The following LDAH variants were observed in gnomAD, a reference collection of about 807,000 sequenced individuals.
LDAH encodes the protein lipid droplet-associated hydrolase.
In LDAH, 26 loss-of-function variants were observed where a neutral mutation model predicts 29.6. The ratio of observed to expected loss-of-function variants is 0.88; its 90% CI spans 0.64 to 1.22. LDAH has a LOEUF of 1.22. Among genes scored for constraint, LDAH ranks in the 50% most tolerant of loss-of-function variants. The probability of loss-of-function intolerance (pLI) is 0.00; values close to 1 mark genes in which losing one functional copy is unlikely to be tolerated. For missense variants in LDAH, 344 were observed against 387.3 expected, an observed-to-expected ratio of 0.89 and a Z score of 0.94; for synonymous variants, 117 against 133.0, an observed-to-expected ratio of 0.88 and a Z score of 0.83.
chr2:20,706,705 A>G lies in LDAH; in HGVS notation c.704-5053T>C, dbSNP rs1357457893. 1.8e-4 allele frequency among the ~76,000 whole-genome samples: 15 copies of G among 85,390 alleles called. No individual in the cohort carries two copies. In the South Asian group the frequency reaches 2.9e-3, roughly 16 times the overall value. The allele number at this position is 85,390 out of a possible 152,430, so 56.0% of individuals were successfully genotyped here. ...TCCTACCTAAAATCCTGAAACAACT[A>G]AAAAAAAAAAAAAAGATAAAATACA... On this transcript the variant is annotated intron_variant, in intron 5 of 6. Coordinates refer to ENST00000237822, the MANE Select transcript of LDAH (RefSeq NM_021925.4).
chr2:20,815,653 G>A (rs1672796992), intron 1 of LDAH, among the ~76,000 whole-genome samples: 1 of 152,044 alleles, frequency 6.6e-6, no homozygotes, highest in South Asian at 2.1e-4. Flanking sequence ...AAAAAGAACT[G>A]TCAAGGCCAA....
At chr2:20,821,329 C>T (rs1248410540) in intron 1 of LDAH, among the ~76,000 whole-genome samples, 2 of 152,148 alleles carry the variant, frequency 1.3e-5, no homozygotes, top group African/African-American at 4.8e-5. Flanking sequence ...ATGTTTATTG[C>T]AGCACTACTT....
intron 3 of LDAH, among the ~76,000 whole-genome samples, chr2:20,782,069 T>C (rs1260379144): frequency 6.6e-6 from 1 of 152,200 alleles, no homozygotes; most frequent in Non-Finnish European, 1.5e-5. Context: ...CGTATCAGTG[T>C]TTATTGTGAA....
chr2:20,721,573 A>C (rs183888292), intron 5 of LDAH, among the ~76,000 whole-genome samples: 89 of 152,220 alleles, frequency 5.8e-4, no homozygotes, highest in African/African-American at 1.5e-3. Context: ...ACAAAAAAAA[A>C]ACCCCACAAT....
intron 4 of LDAH, among the ~76,000 whole-genome samples, chr2:20,754,040 G>T (rs529956062): frequency 3.3e-5 from 5 of 152,254 alleles, no homozygotes; most frequent in South Asian, 2.1e-4. Context: ...TTTATGTGAA[G>T]AAAGTACTAC....
At chr2:20,764,056 T>C (rs1668861880) in intron 4 of LDAH, among the ~76,000 whole-genome samples, 1 of 152,170 alleles carries the variant, frequency 6.6e-6, no homozygotes, top group African/African-American at 2.4e-5. Context: ...TTTTCCACTT[T>C]GAAAGCAATT....
intron 5 of LDAH, among the ~76,000 whole-genome samples, chr2:20,713,817 A>G (rs1250295139): frequency 6.6e-6 from 1 of 152,226 alleles, no homozygotes; most frequent in African/African-American, 2.4e-5. Flanking sequence ...GATCAATTCA[A>G]CAAGAAGAGC....
chr2:20,811,310 G>A (rs1397693650), intron 1 of LDAH, among the ~76,000 whole-genome samples: 1 of 151,072 alleles, frequency 6.6e-6, no homozygotes, highest in Non-Finnish European at 1.5e-5. Context: ...GAGCGGCCGC[G>A]CCCGGACTCA....
chr2:20,765,957 T>C (rs1669004060), intron 4 of LDAH, among the ~76,000 whole-genome samples: 1 of 152,118 alleles, frequency 6.6e-6, no homozygotes, highest in South Asian at 2.1e-4. Flanking sequence ...TTGAGAGGAA[T>C]GACAAAAAAA....
At position 20,797,483 on chromosome 2, in the gene LDAH, GA is replaced by G. The variant is rs549861774; in HGVS notation, c.154+3826del. 3.9e-5 allele frequency among the ~76,000 whole-genome samples: 6 copies of G among 152,250 alleles called. No individual in the cohort carries two copies. The East Asian group carries it at 1.2e-3, about 29-fold the overall frequency. ...GGTCCCTACTCAATCACCTTAGGAT[GA>G]GGCCCACCTAGGGCGACCAACTCCT... On this transcript the variant is annotated intron_variant, in intron 2 of 6. Coordinates refer to ENST00000237822, the MANE Select transcript of LDAH (RefSeq NM_021925.4).
intron 5 of LDAH, among the ~76,000 whole-genome samples, chr2:20,728,092 G>C (rs1354954104): frequency 6.6e-6 from 1 of 152,202 alleles, no homozygotes; most frequent in Non-Finnish European, 1.5e-5. Context: ...CAACAAAAAT[G>C]TGTGTATAAA....
intron 4 of LDAH, among the ~76,000 whole-genome samples, chr2:20,751,130 C>T (rs1037450991): frequency 1.9e-4 from 29 of 152,096 alleles, no homozygotes; most frequent in Admixed American, 7.9e-4. Context: ...CATGTACCCC[C>T]GGTATCTAAA....
At chr2:20,697,695 C>G (rs1320046968) in intron 6 of LDAH, among the ~76,000 whole-genome samples, 1 of 152,184 alleles carries the variant, frequency 6.6e-6, no homozygotes, top group Admixed American at 6.5e-5. Context: ...GCTACCTAAC[C>G]TTTTCTAGTT....
intron 5 of LDAH, among the ~76,000 whole-genome samples, chr2:20,711,363 C>T (rs116343838): frequency 0.011 from 1,575 of 146,782 alleles, 19 homozygotes; most frequent in Middle Eastern, 0.056. Context: ...CTAGCCTCGG[C>T]GACAGAGCGA....
intron 4 of LDAH, among the ~76,000 whole-genome samples, chr2:20,764,399 C>A (rs1572576431): frequency 6.6e-6 from 1 of 152,238 alleles, no homozygotes; most frequent in African/African-American, 2.4e-5. Context: ...ATAGAGGTAA[C>A]TGTCAAACTA....
At chr2:20,819,285 G>A (rs1673078986) in intron 1 of LDAH, among the ~76,000 whole-genome samples, 1 of 151,984 alleles carries the variant, frequency 6.6e-6, no homozygotes. Flanking sequence ...AATTTCACAA[G>A]TGTACAAACT....
At chr2:20,798,606 CAT>C (rs984664646) in intron 2 of LDAH, among the ~76,000 whole-genome samples, 3 of 148,684 alleles carry the variant, frequency 2.0e-5, no homozygotes, top group Non-Finnish European at 4.5e-5. Context: ...TAATATAATA[CAT>C]AGTCATAATA....
intron 2 of LDAH, among the ~76,000 whole-genome samples, chr2:20,794,430 C>A (rs1465629062): frequency 6.6e-6 from 1 of 152,052 alleles, no homozygotes; most frequent in Non-Finnish European, 1.5e-5. Flanking sequence ...CACATAAAGA[C>A]ATTGCAAAAA....
intron 6 of LDAH, among the ~76,000 whole-genome samples, chr2:20,695,977 GGCTCCACT>G (rs1663441201): frequency 6.6e-6 from 1 of 152,158 alleles, no homozygotes; most frequent in Non-Finnish European, 1.5e-5. Context: ...TCAGTCACCA[GGCTCCACT>G]GCAGAACCCC....
Sources: allele counts gnomAD v4.1 joint callset (sites outside exome capture counted in the v4.1 genomes callset), GRCh38; gene constraint gnomAD v4.1.1; transcripts MANE v1.5; gene names NCBI Gene and HGNC (gene_info 2026-07-23, HGNC 2026-07-21).